The following DNAAF8 variants were observed in gnomAD, a reference collection of about 807,000 sequenced individuals.
The protein encoded by DNAAF8 is dynein axonemal-associated protein 1.
A neutral mutation model predicts 54.6 loss-of-function variants in DNAAF8; 61 were observed. The ratio of observed to expected loss-of-function variants is 1.12; its 90% CI spans 0.91 to 1.38. DNAAF8 has a LOEUF of 1.38. Ranked by LOEUF, DNAAF8 falls within the 40% of genes most tolerant of loss-of-function variation. DNAAF8 has a pLI of 0.00. For missense variants in DNAAF8, 837 were observed against 665.0 expected (o/e 1.26, Z -2.85); for synonymous variants, 320 against 270.1 (o/e 1.18, Z -1.81).
intron 4 of DNAAF8, among the ~76,000 whole-genome samples, chr16:4,741,208 T>G (rs868162638): frequency 5.2e-5 from 7 of 135,718 alleles, no homozygotes; most frequent in African/African-American, 1.7e-4. Flanking sequence ...CACTCCAGCC[T>G]GGGTGACAGA....
rs2082026404 is a variant in DNAAF8 at position 4,747,033 on chromosome 16, C to A, written c.1280+8C>A. 2 of 1,524,058 alleles carry A rather than the reference C, an allele frequency of 1.3e-6. No individual in the cohort carries two copies. The highest frequency in any genetic ancestry group is 1.8e-6 in the Non-Finnish European group (2 of 1,141,416). 94.4% of individuals were successfully genotyped at this position (1,524,058 alleles called of 1,614,324 possible). ...TTCCTCCCTGGGGCTACGGTAACCA[C>A]CCAGGGGCCTCTCGCCACCTGCAGA... is the stretch of plus-strand genomic sequence containing the variant. On this transcript the variant is annotated splice_region_variant and intron_variant, in intron 8 of 9. Coordinates refer to ENST00000299320, the MANE Select transcript of DNAAF8 (RefSeq NM_139170.3).
At chr16:4,742,258 A>G (rs2081967954) in intron 4 of DNAAF8, among the ~76,000 whole-genome samples, 1 of 152,052 alleles carries the variant, frequency 6.6e-6, no homozygotes, top group Non-Finnish European at 1.5e-5. Context: ...TGTTTCTGAA[A>G]ACAACACAGG....
chr16:4,740,686 T>A, intron 4 of DNAAF8, 27 bp downstream of exon 4: 1 of 1,550,200 alleles, frequency 6.5e-7, no homozygotes, highest in Admixed American at 1.9e-5. Context: ...GCCTGGCTGT[T>A]TCTCAGGCCT....
chr16:4,737,650 C>T (rs2081913372), intron 2 of DNAAF8, 150 bp from the exon 3 acceptor site: 1 of 998,868 alleles, frequency 1.0e-6, no homozygotes, highest in Admixed American at 2.3e-5. Context: ...CGGATCTCCC[C>T]CAGGCTCCTG....
chr16:4,744,980 C>T lies in DNAAF8; in HGVS notation c.1012C>T (p.Gln338Ter). 2 of 1,613,918 alleles carry T rather than the reference C, an allele frequency of 1.2e-6. No homozygotes were observed. The highest frequency in any genetic ancestry group is 2.2e-5 in the South Asian group (2 of 91,084). Residue 338 changes from glutamine to a stop codon, truncating the protein, a stop_gained, in exon 6 of 10, where the codon CAG becomes TAG. Coordinates refer to ENST00000299320, the MANE Select transcript of DNAAF8 (RefSeq NM_139170.3). LOFTEE classifies it high-confidence loss of function. The stretch of plus-strand genomic sequence containing the variant: ...CCGGAAGGTGCCTGCCGACACTCCC[C>T]AGGACACCAAAGAGGCAGATTCAGG... ...CARKVPADTP[Q>*]DTKEADSGSR...
intron 8 of DNAAF8, 150 bp downstream of exon 8, chr16:4,747,175 G>A: frequency 2.5e-6 from 3 of 1,204,108 alleles, no homozygotes; most frequent in Non-Finnish European, 3.5e-6. Flanking sequence ...TCATCATCCT[G>A]CCCACGTCCA....
At chr16:4,746,031 G>C (rs1425323457) in intron 6 of DNAAF8, 1 of 206,248 alleles carries the variant, frequency 4.8e-6, no homozygotes, top group Non-Finnish European at 9.7e-6. Context: ...AGCCGTGTGT[G>C]GCTACTAAAC....
intron 1 of DNAAF8, 105 bp from the exon 2 acceptor site, chr16:4,736,359 T>A (rs1596480591): frequency 1.3e-6 from 1 of 785,884 alleles, no homozygotes; most frequent in Non-Finnish European, 1.8e-6. Flanking sequence ...AGGCAGGTGG[T>A]GAGGCCTGCC....
rs1389008000 is a variant in DNAAF8 at position 4,747,688 on chromosome 16, G to GT, written c.*9+54_*9+55insT. The GT allele has an allele frequency of 3.3e-6, 5 of 1,511,452 alleles. No individual in the cohort carries two copies. In the African/African-American group the frequency reaches 6.9e-5, roughly 21 times the overall value. The allele number at this position is 1,511,452 out of a possible 1,614,324, so 93.6% of individuals were successfully genotyped here. The stretch of plus-strand genomic sequence containing the variant: ...CGGGCTGACTTGCCATGGACCCTGG[G>GT]CCCCGGTGTCCCCTTGTTGTTCCTG... On this transcript the variant is annotated intron_variant, in intron 9 of 9. Transcript: ENST00000299320.
At chr16:4,743,266 C>CACACAAGT (rs1261770436) in intron 5 of DNAAF8, 106 bp downstream of exon 5, 8 of 765,536 alleles carry the variant, frequency 1.0e-5, no homozygotes, top group Non-Finnish European at 1.7e-5. Context: ...TCCTGCAGCC[C>CACACAAGT]ACACAAGTCT....
At chr16:4,737,688 G>C in intron 2 of DNAAF8, 112 bp from the exon 3 acceptor site, 2 of 1,358,824 alleles carry the variant, frequency 1.5e-6, no homozygotes, top group East Asian at 2.3e-5. Flanking sequence ...GGCTGGATGG[G>C]CTGGGCGGGC....
At chr16:4,743,008 A>C in intron 4 of DNAAF8, 35 bp from the exon 5 acceptor site, 1 of 1,531,514 alleles carries the variant, frequency 6.5e-7, no homozygotes. Context: ...GGGACCCCTC[A>C]GCATCCTCAT....
At chr16:4,743,352 G>A (rs1009986002) in intron 5 of DNAAF8, 192 bp downstream of exon 5, 27 of 492,414 alleles carry the variant, frequency 5.5e-5, no homozygotes, top group South Asian at 4.1e-4. Flanking sequence ...ATATGTGACC[G>A]CCTGCTACGT....
At chr16:4,740,695 C>T in intron 4 of DNAAF8, 36 bp downstream of exon 4, 1 of 1,533,008 alleles carries the variant, frequency 6.5e-7, no homozygotes, top group Non-Finnish European at 8.7e-7. Context: ...TTTCTCAGGC[C>T]TGTTACCTGT....
chr16:4,739,751 A>T (rs1338851286), intron 3 of DNAAF8, among the ~76,000 whole-genome samples: 4 of 151,820 alleles, frequency 2.6e-5, no homozygotes, highest in Non-Finnish European at 5.9e-5. Context: ...GCAGTTAAAA[A>T]TGGTTAAAAG....
intron 9 of DNAAF8, chr16:4,748,250 G>A (rs1486907515): frequency 2.1e-5 from 3 of 145,726 alleles, no homozygotes; most frequent in Non-Finnish European, 3.0e-5. Context: ...TAGAGATGGG[G>A]TCTCACGGTG....
chr16:4,739,265 G>GTTTTTTTTTTTTTTTTGTTTTTTTTTTT (rs2081932164), intron 3 of DNAAF8, among the ~76,000 whole-genome samples: 2 of 69,026 alleles, frequency 2.9e-5, no homozygotes, highest in Non-Finnish European at 5.2e-5. Flanking sequence ...ATTTTTTCTT[G>GTTTTTTTTTTTTTTTTGTTTTTTTTTTT]TTTTTTTTTT....
chr16:4,735,816 TGTG>T (rs1471084503), intron 1 of DNAAF8, among the ~76,000 whole-genome samples: 1 of 152,102 alleles, frequency 6.6e-6, no homozygotes, highest in Non-Finnish European at 1.5e-5. Flanking sequence ...GTTAGCCAGA[TGTG>T]GTGGTACACA....
intron 7 of DNAAF8, 48 bp downstream of exon 7, chr16:4,746,560 T>C (rs1321004415): frequency 1.9e-6 from 3 of 1,581,610 alleles, no homozygotes; most frequent in African/African-American, 2.7e-5. Context: ...TTTGCAGAGT[T>C]GCCTGTTGAC....
Sources: gnomAD v4.1 joint callset for allele counts (sites outside exome capture counted in the v4.1 genomes callset) on GRCh38, gnomAD v4.1.1 for gene constraint, MANE v1.5 for transcripts, NCBI Gene and HGNC (gene_info 2026-07-23, HGNC 2026-07-21) for gene names.